Variants in SP100 observed in about 807,000 individuals in gnomAD.
The protein encoded by SP100 is nuclear autoantigen Sp-100.
A neutral mutation model predicts 130.0 loss-of-function variants in SP100; 84 were observed. The observed-to-expected ratio is 0.65, with a 90% confidence interval of 0.54 to 0.77. The LOEUF (loss-of-function observed/expected upper bound fraction) is 0.77, where lower values mean the gene tolerates loss of function less well. Ranked by LOEUF, SP100 falls within the 30% of genes least tolerant of loss-of-function variation. The pLI is 0.00. For missense variants in SP100, 978 were observed against 1,052.2 expected (o/e 0.93, Z 0.97); for synonymous variants, 331 against 351.7 (o/e 0.94, Z 0.66).
chr2:230,521,242 T>G (rs1575799436), intron 24 of SP100, among the ~76,000 whole-genome samples: 2 of 152,306 alleles, frequency 1.3e-5, no homozygotes. Flanking sequence ...TAGTTTCTTT[T>G]GAACAAATGT....
chr2:230,416,343 C>T lies in SP100; in HGVS notation c.32+15C>T. The T allele has an allele frequency of 6.2e-7, 1 of 1,610,838 alleles. No homozygotes were observed. Among genetic ancestry groups the T allele is most frequent in the South Asian group, 1.1e-5 (1 of 90,980 alleles). On this transcript the variant is annotated intron_variant, in intron 1 of 28. Transcript: ENST00000340126. ...CTGAGCACCAGGTGAGTCTTTATCT[C>T]CCTTCCTTTAACCTTTATCTCTGGC...
chr2:230,534,612 ATTGAC>A (rs1310037224), intron 24 of SP100, among the ~76,000 whole-genome samples: 1 of 152,214 alleles, frequency 6.6e-6, no homozygotes, highest in Admixed American at 6.5e-5. Flanking sequence ...TACTAGACTT[ATTGAC>A]TTATTTGTTA....
At chr2:230,427,282 C>T (rs2062961613) in intron 2 of SP100, among the ~76,000 whole-genome samples, 1 of 152,062 alleles carries the variant, frequency 6.6e-6, no homozygotes, top group African/African-American at 2.4e-5. Context: ...CTGCCTCAGC[C>T]TCCCGAGTAG....
intron 14 of SP100, 118 bp from the exon 15 acceptor site, chr2:230,469,897 G>A (rs1365637809): frequency 6.6e-7 from 1 of 1,510,730 alleles, no homozygotes; most frequent in Non-Finnish European, 8.9e-7. Context: ...CCTAGTGGTG[G>A]GACTATTTCT....
intron 19 of SP100, among the ~76,000 whole-genome samples, chr2:230,501,942 C>T (rs760687043): frequency 1.3e-5 from 2 of 152,066 alleles, no homozygotes; most frequent in East Asian, 1.9e-4. Context: ...GATCTTGGCT[C>T]GCTGCAATCT....
chr2:230,540,746 G>T, intron 25 of SP100, 130 bp from the exon 26 acceptor site: 1 of 1,161,326 alleles, frequency 8.6e-7, no homozygotes. Context: ...TAGTGCAGAG[G>T]CCTCCAAGAG....
At chr2:230,536,384 A>G (rs910033414) in intron 24 of SP100, among the ~76,000 whole-genome samples, 5 of 152,098 alleles carry the variant, frequency 3.3e-5, no homozygotes, top group Admixed American at 2.0e-4. Flanking sequence ...CATAAATCTG[A>G]TTTTTACAGT....
chr2:230,536,695 G>T (rs1691955842), intron 24 of SP100, among the ~76,000 whole-genome samples: 1 of 152,082 alleles, frequency 6.6e-6, no homozygotes, highest in African/African-American at 2.4e-5. Flanking sequence ...GTGAGTCAGG[G>T]AGACAGATTT....
Position 230,522,896 on chromosome 2 carries a change from C to G in SP100, c.2094+11730C>G, listed in dbSNP as rs533224118. Among the ~76,000 whole-genome samples, 4 of 152,042 alleles carry G rather than the reference C, an allele frequency of 2.6e-5. No homozygotes were observed. The East Asian group carries it at 7.7e-4, about 29-fold the overall frequency. On this transcript the variant is annotated intron_variant, in intron 24 of 28. Transcript: ENST00000340126. Reference sequence around the variant, plus strand: ...GTGGTGCCATTTCAGCTCACTGAAACCTCCATTTCCTAGGTTCAAGTGATT... The same window carrying G: ...GTGGTGCCATTTCAGCTCACTGAAAGCTCCATTTCCTAGGTTCAAGTGATT...
intron 19 of SP100, 65 bp from the exon 20 acceptor site, chr2:230,503,001 G>C (rs1481592640): frequency 2.1e-5 from 26 of 1,227,132 alleles, no homozygotes; most frequent in Non-Finnish European, 2.8e-5. Context: ...TTTGAATGGT[G>C]GTTTTGTAAA....
In SP100 at chr2:230,502,997, T is replaced by C. The variant is rs2067121748; in HGVS notation, c.1721-69T>C. 8 of 1,196,392 alleles carry C rather than the reference T, an allele frequency of 6.7e-6. No homozygotes were observed. In the Admixed American group the frequency reaches 1.7e-4, roughly 26 times the overall value. 74.1% of individuals were successfully genotyped at this position (1,196,392 alleles called of 1,614,324 possible). A position where few individuals can be genotyped will look rare whatever the true frequency, so the allele number is the denominator to read the frequency against. On this transcript the variant is annotated intron_variant, in intron 19 of 28. Coordinates refer to ENST00000340126, the MANE Select transcript of SP100 (RefSeq NM_001080391.2). Reference sequence around the variant, plus strand: ...AGGATCCTGAAAAGTTGCATTTGAATGGTGGTTTTGTAAAACACTACTATT... The same window carrying C: ...AGGATCCTGAAAAGTTGCATTTGAACGGTGGTTTTGTAAAACACTACTATT...
At chr2:230,501,269 TG>T (rs1243898625) in intron 19 of SP100, among the ~76,000 whole-genome samples, 2 of 151,852 alleles carry the variant, frequency 1.3e-5, no homozygotes, top group Non-Finnish European at 2.9e-5. Context: ...TAAAGGGGGT[TG>T]GGGGGAAACC....
intron 24 of SP100, chr2:230,516,538 T>C (rs901414941): frequency 1.5e-4 from 23 of 152,230 alleles, no homozygotes; most frequent in African/African-American, 4.8e-4. Flanking sequence ...TTTAGTCTCA[T>C]GTAATTCTTA....
In SP100 at chr2:230,442,917, AT is replaced by A. The variant is rs755271952; in HGVS notation, c.108-19del. The A allele has an allele frequency of 6.2e-7, 1 of 1,607,704 alleles. No individual in the cohort carries two copies. The highest frequency in any genetic ancestry group is 8.5e-7 in the Non-Finnish European group (1 of 1,176,998). Reference sequence around the variant, plus strand: ...TCAGAATCTTGATGACCATTTTCACATGGTGTCCTTTTTCCCTAGGATGTTC... The same window carrying A: ...TCAGAATCTTGATGACCATTTTCACAGGTGTCCTTTTTCCCTAGGATGTTC... On this transcript the variant is annotated intron_variant, in intron 2 of 28. Transcript: ENST00000340126.
At chr2:230,423,957 C>A (rs1434634660) in intron 2 of SP100, among the ~76,000 whole-genome samples, 3 of 152,070 alleles carry the variant, frequency 2.0e-5, no homozygotes, top group Non-Finnish European at 4.4e-5. Flanking sequence ...TGAGGCTTCA[C>A]CACATTTGAA....
rs749365904 is a variant in SP100, at chr2:230,543,313, C to T, written c.*367C>T. On this transcript the variant is annotated 3_prime_UTR_variant, in exon 29 of 29. Transcript: ENST00000340126. Reference sequence around the variant, plus strand: ...TATTGGAAGTCCTGGTCAGAGCAGTCAGGAAGCAGAAAAAAATAAAGGGTA... The same window carrying T: ...TATTGGAAGTCCTGGTCAGAGCAGTTAGGAAGCAGAAAAAAATAAAGGGTA... The T allele has an allele frequency of 7.0e-5, 11 of 156,340 alleles. No homozygotes were observed. The highest frequency in any genetic ancestry group is 9.9e-5 in the Non-Finnish European group (7 of 70,972). 9.7% of individuals were successfully genotyped at this position (156,340 alleles called of 1,614,324 possible).
At chr2:230,542,804 C>A in intron 28 of SP100, 32 bp from the exon 29 acceptor site, 1 of 1,336,524 alleles carries the variant, frequency 7.5e-7, no homozygotes, top group Non-Finnish European at 1.1e-6. Context: ...CATTGCATAA[C>A]TGCTATATTG....
chr2:230,494,597 C>G (rs1174159003), intron 18 of SP100, 137 bp downstream of exon 18: 5 of 665,408 alleles, frequency 7.5e-6, no homozygotes, highest in African/African-American at 1.8e-5. Context: ...TTTAGAGTAC[C>G]AGCTAAGTCA....
intron 24 of SP100, among the ~76,000 whole-genome samples, chr2:230,533,945 T>C (rs1027001018): frequency 1.3e-5 from 2 of 152,178 alleles, no homozygotes; most frequent in Admixed American, 1.3e-4. Context: ...AAAGGTGAAA[T>C]TTGGTTTTCT....
Sources: allele counts gnomAD v4.1 joint callset (sites outside exome capture counted in the v4.1 genomes callset), GRCh38; gene constraint gnomAD v4.1.1; transcripts MANE v1.5; gene names NCBI Gene and HGNC (gene_info 2026-07-23, HGNC 2026-07-21).